Variants in HDAC9 observed in about 807,000 individuals in gnomAD.
HDAC9 encodes the protein histone deacetylase 9, also known as MEF-2 interacting transcription repressor (MITR) protein.
Under a neutral mutation model 139.4 loss-of-function variants are expected in HDAC9, and 41 were observed. The ratio of observed to expected loss-of-function variants is 0.29; its 90% CI spans 0.23 to 0.38. The LOEUF is 0.38. Among genes scored for constraint, HDAC9 ranks in the 10% least tolerant of loss-of-function variants. The probability of loss-of-function intolerance (pLI) is 1.00; values close to 1 mark genes in which losing one functional copy is unlikely to be tolerated. For missense variants in HDAC9, 1,147 were observed against 1,297.0 expected, an observed-to-expected ratio of 0.88 and a Z score of 1.78; for synonymous variants, 517 against 476.2, an observed-to-expected ratio of 1.09 and a Z score of -1.12.
chr7:18,176,054 A>G (rs1788876717), intron 2 of HDAC9, among the ~76,000 whole-genome samples: 1 of 152,176 alleles, frequency 6.6e-6, no homozygotes, highest in Non-Finnish European at 1.5e-5. Context: ...ATAGTGGTGT[A>G]TGACCAAGCA....
At chr7:18,351,784 T>C (rs1172937877) in intron 1 of HDAC9, among the ~76,000 whole-genome samples, 1 of 152,214 alleles carries the variant, frequency 6.6e-6, no homozygotes, top group Non-Finnish European at 1.5e-5. Context: ...TAGATAATGT[T>C]TAATTTTGTC....
intron 6 of HDAC9, among the ~76,000 whole-genome samples, chr7:18,628,778 T>C (rs952132795): frequency 2.0e-5 from 3 of 152,188 alleles, no homozygotes; most frequent in African/African-American, 7.2e-5. Flanking sequence ...GCATTGATTC[T>C]AGTTGGTTTG....
Position 18,749,018 on chromosome 7 carries a change from C to T in HDAC9, c.1923C>T (p.Asp641=). 6.2e-7 allele frequency: 1 copy of T among 1,613,448 alleles called. No homozygotes were observed. The highest frequency in any genetic ancestry group is 8.5e-7 in the Non-Finnish European group (1 of 1,179,628). ...QPGSATGIAY[D]PLMLKHQCVC... ...CTTGTCTTAAAGGAATTGCCTATGA[C>T]CCCTTGATGCTGAAACACCAGTGCG... Residue 641 remains aspartate, a synonymous_variant, in exon 14 of 26, where the codon GAC becomes GAT. Transcript: ENST00000686413.
chr7:18,316,806 G>A (rs1799679366), intron 1 of HDAC9, among the ~76,000 whole-genome samples: 1 of 151,746 alleles, frequency 6.6e-6, no homozygotes. Flanking sequence ...GACAGAGCAA[G>A]CCTCTGTCTC....
chr7:18,348,520 A>T (rs17419024), intron 1 of HDAC9, among the ~76,000 whole-genome samples: 11 of 151,892 alleles, frequency 7.2e-5, no homozygotes, highest in Non-Finnish European at 1.6e-4. Context: ...TTAGGCATCT[A>T]TTATACTGTA....
chr7:18,787,186 C>T (rs1179507646), intron 16 of HDAC9, among the ~76,000 whole-genome samples: 1 of 152,044 alleles, frequency 6.6e-6, no homozygotes, highest in Non-Finnish European at 1.5e-5. Flanking sequence ...AGATTCTGTA[C>T]TACTTCAGAT....
chr7:18,331,763 A>G (rs1171327725), intron 1 of HDAC9, among the ~76,000 whole-genome samples: 1 of 151,656 alleles, frequency 6.6e-6, no homozygotes, highest in Non-Finnish European at 1.5e-5. Context: ...TTTGTTGGAG[A>G]GAGGGACTAG....
chr7:18,408,345 A>C (rs1165133161), intron 1 of HDAC9, among the ~76,000 whole-genome samples: 5 of 152,218 alleles, frequency 3.3e-5, no homozygotes, highest in Non-Finnish European at 1.5e-5. Context: ...ATGAATGAAC[A>C]AATTCCTAAC....
intron 2 of HDAC9, among the ~76,000 whole-genome samples, chr7:18,201,312 A>T (rs1791099504): frequency 6.6e-6 from 1 of 152,202 alleles, no homozygotes; most frequent in Admixed American, 6.5e-5. Context: ...CTAGGGTGTT[A>T]TTTATGATAC....
At chr7:18,936,027 A>G (rs55653020) in intron 23 of HDAC9, 85 bp downstream of exon 23, 90,463 of 1,332,590 alleles carry the variant, frequency 0.068, 3,533 homozygotes, top group Middle Eastern at 0.086. Context: ...AAAATTCTGC[A>G]TACTCAGAAA....
intron 12 of HDAC9, among the ~76,000 whole-genome samples, chr7:18,718,155 A>C (rs933503680): frequency 6.6e-6 from 1 of 152,152 alleles, no homozygotes; most frequent in Admixed American, 6.5e-5. Context: ...GGCAACCACT[A>C]GTCCACTTTT....
chr7:18,206,690 C>A (rs1308851093), intron 2 of HDAC9, among the ~76,000 whole-genome samples: 2 of 151,974 alleles, frequency 1.3e-5, no homozygotes, highest in Admixed American at 6.6e-5. Flanking sequence ...AATAAGGGTA[C>A]ACACAGGGCC....
At chr7:18,781,260 G>T (rs1365481821) in intron 16 of HDAC9, among the ~76,000 whole-genome samples, 1 of 151,954 alleles carries the variant, frequency 6.6e-6, no homozygotes, top group Admixed American at 6.6e-5. Flanking sequence ...ACTTCAATAT[G>T]CGAATTCTGA....
rs1331001570 is a variant in HDAC9 at position 18,824,087 on chromosome 7, G to GAAGAAGAAGAAGAAC, written c.2323-5072_2323-5071insGAAGAAGAAGAACAA. The stretch of plus-strand genomic sequence containing the variant: ...AGAAGAAGAAGAAGAAGAAGAAGAA[G>GAAGAAGAAGAAGAAC]AACAAGAACAAGAAGGAGAAGAAGA... On this transcript the variant is annotated intron_variant, in intron 17 of 25. Transcript: ENST00000686413. Among the ~76,000 whole-genome samples the GAAGAAGAAGAAGAAC allele has an allele frequency of 2.6e-4, 38 of 147,526 alleles. No individual in the cohort carries two copies. The East Asian group carries it at 4.0e-3, about 16-fold the overall frequency.
intron 14 of HDAC9, among the ~76,000 whole-genome samples, chr7:18,753,089 G>A (rs967998897): frequency 2.6e-5 from 4 of 152,040 alleles, no homozygotes; most frequent in African/African-American, 7.2e-5. Flanking sequence ...TCTTTGTTAG[G>A]AGTAGAAGAT....
chr7:18,644,278 A>G (rs1294958709), intron 8 of HDAC9, among the ~76,000 whole-genome samples: 1 of 152,122 alleles, frequency 6.6e-6, no homozygotes. Context: ...ATGAAGAATC[A>G]GGTGAAGATA....
chr7:18,797,477 T>A (rs1398554061), intron 17 of HDAC9, among the ~76,000 whole-genome samples: 1 of 152,174 alleles, frequency 6.6e-6, no homozygotes. Context: ...TAAAATTCTC[T>A]CAGTACTTAT....
chr7:18,277,076 C>T (rs1219154037), intron 2 of HDAC9, among the ~76,000 whole-genome samples: 1 of 133,370 alleles, frequency 7.5e-6, no homozygotes, highest in Non-Finnish European at 1.6e-5. Flanking sequence ...TAGATAGTTA[C>T]ATTGTTAAAA....
rs553406582 is a variant in HDAC9 at position 18,553,526 on chromosome 7, A to G, written c.23-31755A>G. Among the ~76,000 whole-genome samples, 168 of 152,342 alleles carry G rather than the reference A, an allele frequency of 1.1e-3. 2 individuals carry two copies. The highest frequency in any genetic ancestry group is 3.8e-3 in the African/African-American group (158 of 41,580). On this transcript the variant is annotated intron_variant, in intron 2 of 25. Coordinates refer to ENST00000686413, the MANE Select transcript of HDAC9 (RefSeq NM_178425.4). ...TTAAGAACAAACAGTACTTGTGTGA[A>G]CTTATCATTTTATTCTGCACTTTTC...
Sources: gnomAD v4.1 joint callset for allele counts (sites outside exome capture counted in the v4.1 genomes callset) on GRCh38, gnomAD v4.1.1 for gene constraint, MANE v1.5 for transcripts, NCBI Gene and HGNC (gene_info 2026-07-23, HGNC 2026-07-21) for gene names.